Variants in HS3ST5 observed in about 807,000 individuals in gnomAD.
HS3ST5 encodes the protein heparan sulfate-glucosamine 3-sulfotransferase 5.
HS3ST5 carries 10 observed loss-of-function variants against 25.4 expected under a neutral mutation model. That is an observed-to-expected ratio of 0.39 (90% CI 0.24 to 0.67). The LOEUF (loss-of-function observed/expected upper bound fraction) is 0.67, where lower values mean the gene tolerates loss of function less well. Among genes scored for constraint, HS3ST5 ranks in the 30% least tolerant of loss-of-function variants. HS3ST5 has a pLI of 0.44. For synonymous variants in HS3ST5, 170 were observed against 162.4 expected, an observed-to-expected ratio of 1.05 and a Z score of -0.36; for missense variants, 324 against 420.7, an observed-to-expected ratio of 0.77 and a Z score of 2.01.
chr6:114,074,451 A>G (rs1473984317), intron 3 of HS3ST5, among the ~76,000 whole-genome samples: 1 of 152,192 alleles, frequency 6.6e-6, no homozygotes, highest in African/African-American at 2.4e-5. Context: ...TGCACATTCA[A>G]TAATCAGGCC....
intron 1 of HS3ST5, among the ~76,000 whole-genome samples, chr6:114,230,737 C>T (rs1428295422): frequency 2.0e-5 from 3 of 151,702 alleles, no homozygotes; most frequent in Non-Finnish European, 4.4e-5. Context: ...CAGGCATACA[C>T]CACCACACCC....
Position 114,057,463 on chromosome 6 carries a change from T to C in HS3ST5, c.835A>G (p.Ile279Val), listed in dbSNP as rs772858234. ...VEKFLNLPPR[I>V]SQYNLYFNAT... ...TTGAAGTATAAATTGTATTGACTTA[T>C]CCTTGGAGGCAGATTTAGGAACTTC... The change falls in exon 5 of 5, where the codon ATA becomes GTA. Residue 279 changes from isoleucine to valine, a missense_variant. Around this residue, in one of 2 missense-constraint regions of HS3ST5, gnomAD observed 203 missense variants for 303.4 expected, o/e 0.67. Transcript: ENST00000312719. The C allele has an allele frequency of 2.5e-6, 4 of 1,614,136 alleles. No homozygotes were observed. The highest frequency in any genetic ancestry group is 3.4e-6 in the Non-Finnish European group (4 of 1,180,022).
intron 2 of HS3ST5, among the ~76,000 whole-genome samples, chr6:114,180,684 G>A (rs1779933285): frequency 6.6e-6 from 1 of 152,172 alleles, no homozygotes; most frequent in South Asian, 2.1e-4. Flanking sequence ...CCTTACCTTG[G>A]TGTATGATTG....
At chr6:114,225,612 T>C (rs1421821058) in intron 2 of HS3ST5, among the ~76,000 whole-genome samples, 1 of 151,864 alleles carries the variant, frequency 6.6e-6, no homozygotes, top group Non-Finnish European at 1.5e-5. Context: ...AATACAATGA[T>C]CAAAACTGTT....
intron 1 of HS3ST5, among the ~76,000 whole-genome samples, chr6:114,275,634 C>G (rs12662780): frequency 0.077 from 11,664 of 151,932 alleles, 544 homozygotes; most frequent in African/African-American, 0.14. Context: ...GTTATTTGAC[C>G]ATTTGGACTC....
At chr6:114,208,002 G>A (rs1291338506) in intron 2 of HS3ST5, among the ~76,000 whole-genome samples, 1 of 152,116 alleles carries the variant, frequency 6.6e-6, no homozygotes, top group Non-Finnish European at 1.5e-5. Flanking sequence ...GTTACTCTAA[G>A]TTAGGCCAAA....
chr6:114,322,736 T>A (rs1352617188), intron 1 of HS3ST5, among the ~76,000 whole-genome samples: 1 of 152,142 alleles, frequency 6.6e-6, no homozygotes, highest in Non-Finnish European at 1.5e-5. Flanking sequence ...TCTCTGAAGG[T>A]TTATTTCACT....
chr6:114,330,613 C>T (rs1776354906), intron 1 of HS3ST5, among the ~76,000 whole-genome samples: 1 of 152,120 alleles, frequency 6.6e-6, no homozygotes, highest in Admixed American at 6.6e-5. Flanking sequence ...CAGGTTCCAC[C>T]CAGCTCCACG....
chr6:114,248,239 A>T (rs1190201267), intron 1 of HS3ST5, among the ~76,000 whole-genome samples: 8 of 147,876 alleles, frequency 5.4e-5, no homozygotes, highest in East Asian at 2.0e-4. Flanking sequence ...TATATATATA[A>T]AATATTCACT....
At chr6:114,195,046 G>T (rs1222391241) in intron 2 of HS3ST5, among the ~76,000 whole-genome samples, 1 of 152,182 alleles carries the variant, frequency 6.6e-6, no homozygotes, top group Admixed American at 6.6e-5. Flanking sequence ...AAGATACAAA[G>T]AAAGTGGGCA....
chr6:114,302,143 CAGGAGTCACACATTCATTTT>C (rs1299892590), intron 1 of HS3ST5, among the ~76,000 whole-genome samples: 1 of 152,092 alleles, frequency 6.6e-6, no homozygotes, highest in Non-Finnish European at 1.5e-5. Context: ...TTCAGTTTTG[CAGGAGTCACACATTCATTTT>C]ATGTGTGATG....
At chr6:114,287,884 G>A (rs549828436) in intron 1 of HS3ST5, among the ~76,000 whole-genome samples, 11 of 152,066 alleles carry the variant, frequency 7.2e-5, no homozygotes, top group African/African-American at 2.7e-4. Context: ...GTAGTAAGAT[G>A]AGAATGTCCC....
At chr6:114,227,338 C>CA (rs1364018578) in intron 2 of HS3ST5, among the ~76,000 whole-genome samples, 1 of 150,124 alleles carries the variant, frequency 6.7e-6, no homozygotes, top group Non-Finnish European at 1.5e-5. Context: ...CTAATAGAGA[C>CA]AAAAAATGTC....
chr6:114,230,656 G>A lies in HS3ST5; in HGVS notation c.-338-1878C>T, dbSNP rs1228840844. Among the ~76,000 whole-genome samples, 7 of 147,268 alleles carry A rather than the reference G, an allele frequency of 4.8e-5. No homozygotes were observed. The South Asian group carries it at 8.6e-4, about 18-fold the overall frequency. On this transcript the variant is annotated intron_variant, in intron 1 of 4. Transcript: ENST00000312719. ...GGCTGGAGTGCAATGGCATGATCTC[G>A]GCTCACTGCAACCCCCCATCTTCTG...
At chr6:114,202,623 G>A (rs1781080284) in intron 2 of HS3ST5, among the ~76,000 whole-genome samples, 1 of 152,126 alleles carries the variant, frequency 6.6e-6, no homozygotes, top group African/African-American at 2.4e-5. Context: ...AATGAGCAAA[G>A]TCACAAAATC....
At chr6:114,093,379 G>C (rs922120995) in intron 3 of HS3ST5, among the ~76,000 whole-genome samples, 11 of 151,218 alleles carry the variant, frequency 7.3e-5, no homozygotes, top group African/African-American at 2.7e-4. Flanking sequence ...GTGTGTGTGT[G>C]TGTGTGTGTG....
intron 1 of HS3ST5, among the ~76,000 whole-genome samples, chr6:114,307,796 G>A (rs560295124): frequency 3.3e-5 from 5 of 151,938 alleles, no homozygotes; most frequent in African/African-American, 1.2e-4. Flanking sequence ...TCAATGTGAG[G>A]TGAATTAAAA....
intron 1 of HS3ST5, among the ~76,000 whole-genome samples, chr6:114,246,863 G>C (rs1772403752): frequency 6.6e-6 from 1 of 151,932 alleles, no homozygotes; most frequent in South Asian, 2.1e-4. Flanking sequence ...TAGCCAAACT[G>C]TTACTTTATC....
intron 3 of HS3ST5, among the ~76,000 whole-genome samples, chr6:114,120,775 C>T (rs769570005): frequency 2.6e-5 from 4 of 152,088 alleles, no homozygotes; most frequent in South Asian, 2.1e-4. Context: ...ATACAAGCAG[C>T]GATCAAATTG....
Sources: allele counts gnomAD v4.1 joint callset (sites outside exome capture counted in the v4.1 genomes callset), GRCh38; gene constraint gnomAD v4.1.1; regional missense constraint gnomAD v4.1.1; transcripts MANE v1.5; gene names NCBI Gene and HGNC (gene_info 2026-07-23, HGNC 2026-07-21).